The following NTNG2 variants were observed in gnomAD, a reference collection of about 807,000 sequenced individuals.
The protein encoded by NTNG2 is netrin G2.
NTNG2 carries 15 observed loss-of-function variants against 47.6 expected under a neutral mutation model. The observed-to-expected ratio is 0.32, with a 90% CI of 0.21 to 0.49. The LOEUF (loss-of-function observed/expected upper bound fraction) is 0.49, where lower values mean the gene tolerates loss of function less well. Among genes scored for constraint, NTNG2 ranks in the 20% least tolerant of loss-of-function variants. NTNG2 has a pLI of 0.99. For synonymous variants in NTNG2, 307 were observed against 324.6 expected (o/e 0.95, Z 0.58); for missense variants, 578 against 764.6 (o/e 0.76, Z 2.88).
chr9:132,167,553 G>A (rs887847534), intron 2 of NTNG2, among the ~76,000 whole-genome samples: 7 of 152,218 alleles, frequency 4.6e-5, no homozygotes, highest in African/African-American at 1.4e-4. Flanking sequence ...GAGGTTTGAC[G>A]GAGGCTCAGA....
At chr9:132,238,451 G>A (rs934692938) in intron 5 of NTNG2, among the ~76,000 whole-genome samples, 1 of 152,180 alleles carries the variant, frequency 6.6e-6, no homozygotes, top group African/African-American at 2.4e-5. Context: ...CCAGGACCAG[G>A]GGGAGGCATG....
intron 2 of NTNG2, among the ~76,000 whole-genome samples, chr9:132,172,473 G>A (rs1049179694): frequency 6.6e-6 from 1 of 152,178 alleles, no homozygotes; most frequent in South Asian, 2.1e-4. Flanking sequence ...TCATGAGCAC[G>A]GTGCTTGGCA....
chr9:132,217,004 C>G (rs553399343), intron 3 of NTNG2, among the ~76,000 whole-genome samples: 1 of 152,170 alleles, frequency 6.6e-6, no homozygotes, highest in Non-Finnish European at 1.5e-5. Context: ...GGAATGGACG[C>G]GAAGCCAGCA....
In NTNG2 at chr9:132,244,197, G is replaced by A. The variant is rs876953; in HGVS notation, c.*2086G>A. 33,459 of 152,108 alleles carry A rather than the reference G, an allele frequency of 0.22. 4,072 individuals are homozygous for A. The highest frequency in any genetic ancestry group is 0.36 in the Admixed American group (5,476 of 15,294). The allele number at this position is 152,108 out of a possible 1,614,324, so 9.4% of individuals were successfully genotyped here. On this transcript the variant is annotated 3_prime_UTR_variant, in exon 8 of 8. Transcript: ENST00000393229. The stretch of plus-strand genomic sequence containing the variant: ...GTTTTTCTCTCTCATCCCTCCCTCT[G>A]CTCTTCAGTCAGCAGGATGGGGAAG...
chr9:132,194,458 T>C (rs1589432340), intron 2 of NTNG2, among the ~76,000 whole-genome samples: 1 of 152,038 alleles, frequency 6.6e-6, no homozygotes, highest in African/African-American at 2.4e-5. Flanking sequence ...CAGGACAGGG[T>C]GTGTCTTGCC....
chr9:132,164,571 T>C (rs1317428014), intron 1 of NTNG2, among the ~76,000 whole-genome samples: 1 of 152,262 alleles, frequency 6.6e-6, no homozygotes, highest in Non-Finnish European at 1.5e-5. Flanking sequence ...GGTAGAGGCA[T>C]CCAAACCTTT....
intron 3 of NTNG2, among the ~76,000 whole-genome samples, chr9:132,216,381 C>CCTCTCTCTCTCTCTCTCTCTCTCTCT (rs1199246893): frequency 8.3e-6 from 1 of 120,938 alleles, no homozygotes; most frequent in Admixed American, 8.3e-5. Context: ...GCTGACTCAG[C>CCTCTCTCTCTCTCTCTCTCTCTCTCT]CTCTCTCTCT....
At position 132,239,235 on chromosome 9, in the gene NTNG2, G is replaced by A. The variant is rs754091965; in HGVS notation, c.1186G>A (p.Gly396Ser). ...CTGCCGGCTGGGCTACTACCGCAAC[G>A]GCTCGGCAGAGCTGGATGATGAGAA... ...QHCRLGYYRNGSAELDDENVC... is the reference protein window; with the variant it reads ...QHCRLGYYRNSSAELDDENVC... The change falls in exon 6 of 8, where the codon GGC becomes AGC. Residue 396 changes from glycine (G) to serine (S), a missense_variant. Transcript: ENST00000393229. 1.4e-5 allele frequency: 23 copies of A among 1,613,676 alleles called. No individual in the cohort carries two copies. The highest frequency in any genetic ancestry group is 5.3e-5 in the African/African-American group (4 of 75,058).
chr9:132,241,092 G>GGGCAGGACCGA, intron 7 of NTNG2, 48 bp downstream of exon 7: 1 of 1,527,660 alleles, frequency 6.5e-7, no homozygotes, highest in East Asian at 2.4e-5. Flanking sequence ...AAAGGGGACG[G>GGGCAGGACCGA]GGCAGGACCG....
rs1330811945 is a variant in NTNG2 at position 132,236,760 on chromosome 9, G to A, written c.1055-2344G>A. On this transcript the variant is annotated intron_variant, in intron 5 of 7. Transcript: ENST00000393229. The surrounding 1 kb of genome is among the most constrained non-coding windows in gnomAD (Gnocchi z 4.3). ...GGGAAGCCAAGGTAGTGACGATCCC[G>A]GGACAGTGGCCTGCTCACCCACAGA... 2.0e-5 allele frequency among the ~76,000 whole-genome samples: 3 copies of A among 152,304 alleles called. No individual in the cohort carries two copies. The highest frequency in any genetic ancestry group is 2.1e-4 in the South Asian group (1 of 4,826).
At chr9:132,223,112 T>C (rs1389091713) in intron 3 of NTNG2, among the ~76,000 whole-genome samples, 1 of 152,048 alleles carries the variant, frequency 6.6e-6, no homozygotes, top group Non-Finnish European at 1.5e-5. Context: ...AGACTCGGTC[T>C]CAAAAAGCAA....
Position 132,163,504 on chromosome 9 carries a change from A to T in NTNG2, c.-484+1265A>T, listed in dbSNP as rs1835248666. ...ACCCCGCCCGGGGCAGAGGACGGGA[A>T]GGTGACCCCGCCGGCCAAGCTCCCT... On this transcript the variant is annotated intron_variant, in intron 1 of 7. Coordinates refer to ENST00000393229, the MANE Select transcript of NTNG2 (RefSeq NM_032536.4). This position sits in a 1 kb window ranked among gnomAD's most constrained non-coding sequence, Gnocchi z 7.2. Among the ~76,000 whole-genome samples the T allele has an allele frequency of 6.6e-6, 1 of 152,012 alleles. No homozygotes were observed. Among genetic ancestry groups the T allele is most frequent in the South Asian group, 2.1e-4 (1 of 4,834 alleles).
chr9:132,241,781 G>A (rs1402451234), intron 7 of NTNG2, 95 bp from the exon 8 acceptor site: 17 of 904,074 alleles, frequency 1.9e-5, no homozygotes, highest in South Asian at 5.3e-5. Flanking sequence ...CCCAGACGGC[G>A]CCCCCGGGAT....
In NTNG2 at chr9:132,225,564, C is replaced by G. The variant is rs575959728; in HGVS notation, c.858-1285C>G. Among the ~76,000 whole-genome samples, 293 of 152,300 alleles carry G rather than the reference C, an allele frequency of 1.9e-3. 1 individual carries two copies. Among genetic ancestry groups the G allele is most frequent in the South Asian group, 0.012 (57 of 4,826 alleles). ...GGATTATAGGTGTGCACCACCACGCCTAGCCTGTGTGGTTCTCTAAAAGAT... is the reference window on the plus strand; with the variant it reads ...GGATTATAGGTGTGCACCACCACGCGTAGCCTGTGTGGTTCTCTAAAAGAT... On this transcript the variant is annotated intron_variant, in intron 3 of 7. Transcript: ENST00000393229.
chr9:132,197,898 C>G lies in NTNG2; in HGVS notation c.214-68C>G. On this transcript the variant is annotated intron_variant, in intron 2 of 7. Transcript: ENST00000393229. The surrounding 1 kb of genome is among the most constrained non-coding windows in gnomAD (Gnocchi z 4.3). The stretch of plus-strand genomic sequence containing the variant: ...CGGTTCGCAGGCAGGGGCTAGGCCG[C>G]GCAGAGGCTTCCCAGGCCATCCCGA... 6.7e-7 allele frequency: 1 copy of G among 1,495,026 alleles called. No individual in the cohort carries two copies. Among genetic ancestry groups the G allele is most frequent in the East Asian group, 2.3e-5 (1 of 43,794 alleles). 92.6% of individuals were successfully genotyped at this position (1,495,026 alleles called of 1,614,324 possible).
intron 3 of NTNG2, among the ~76,000 whole-genome samples, chr9:132,201,433 G>A (rs1047761780): frequency 4.6e-5 from 7 of 152,236 alleles, no homozygotes; most frequent in Non-Finnish European, 7.3e-5. Flanking sequence ...TGGGTTAGAC[G>A]GTTCAGCGAA....
At position 132,242,050 on chromosome 9, in the gene NTNG2, G is replaced by A; in HGVS notation, c.1532G>A (p.Arg511His). 1.6e-5 allele frequency: 20 copies of A among 1,270,010 alleles called. No homozygotes were observed. Among genetic ancestry groups the A allele is most frequent in the Non-Finnish European group, 1.8e-5 (18 of 1,011,934 alleles). The allele number at this position is 1,270,010 out of a possible 1,614,324, so 78.7% of individuals were successfully genotyped here. A position where few individuals can be genotyped will look rare whatever the true frequency, so the allele number is the denominator to read the frequency against. Reference sequence around the variant, plus strand: ...GACCGCGCGCCCGGGGCCGCCCCGCGCCCCGCCACCCTGCTCGGCTGCCTG... The same window carrying A: ...GACCGCGCGCCCGGGGCCGCCCCGCACCCCGCCACCCTGCTCGGCTGCCTG... Reference protein sequence around the residue: ...DCDRAPGAAPRPATLLGCLLL... With the variant: ...DCDRAPGAAPHPATLLGCLLL... The change falls in exon 8 of 8, where the codon CGC becomes CAC. Residue 511 changes from arginine to histidine, a missense_variant. Physicochemically the swap from Arg to His is conservative, Grantham distance 29 (BLOSUM62 0). Coordinates refer to ENST00000393229, the MANE Select transcript of NTNG2 (RefSeq NM_032536.4). The surrounding 1 kb of genome is among the most constrained non-coding windows in gnomAD (Gnocchi z 5.9).
rs374572684 is a variant in NTNG2 at position 132,218,051 on chromosome 9, C to T, written c.858-8798C>T. On this transcript the variant is annotated intron_variant, in intron 3 of 7. Transcript: ENST00000393229. This position sits in a 1 kb window ranked among gnomAD's most constrained non-coding sequence, Gnocchi z 5.4. The stretch of plus-strand genomic sequence containing the variant: ...GTGGCATACACAAGATATTGTTTCC[C>T]GCTCTTCAGGTGAGAAAAGCGAGAC... Among the ~76,000 whole-genome samples, 13 of 152,332 alleles carry T rather than the reference C, an allele frequency of 8.5e-5. No individual in the cohort carries two copies. The highest frequency in any genetic ancestry group is 4.1e-4 in the South Asian group (2 of 4,828).
Position 132,218,178 on chromosome 9 carries a change from C to T in NTNG2, c.858-8671C>T, listed in dbSNP as rs921619362. Among the ~76,000 whole-genome samples the T allele has an allele frequency of 9.9e-5, 15 of 152,256 alleles. No individual in the cohort carries two copies. The highest frequency in any genetic ancestry group is 2.9e-5 in the Non-Finnish European group (2 of 68,042). ...CCATGGGGGCTCCCGGCTCCTGCCACACAGGCCACCCGGGAGTGCAGACAC... is the reference window on the plus strand; with the variant it reads ...CCATGGGGGCTCCCGGCTCCTGCCATACAGGCCACCCGGGAGTGCAGACAC... On this transcript the variant is annotated intron_variant, in intron 3 of 7. Coordinates refer to ENST00000393229, the MANE Select transcript of NTNG2 (RefSeq NM_032536.4). The surrounding 1 kb of genome is among the most constrained non-coding windows in gnomAD (Gnocchi z 5.4).
Sources: gnomAD v4.1 joint callset for allele counts (sites outside exome capture counted in the v4.1 genomes callset) on GRCh38, gnomAD v4.1.1 for gene constraint, Gnocchi (gnomAD v3.1) non-coding constraint, MANE v1.5 for transcripts, NCBI Gene and HGNC (gene_info 2026-07-23, HGNC 2026-07-21) for gene names.